Variants in MERTK observed in about 807,000 individuals in gnomAD.
The protein encoded by MERTK is tyrosine-protein kinase Mer.
MERTK carries 69 observed loss-of-function variants against 99.3 expected under a neutral mutation model. The ratio of observed to expected loss-of-function variants is 0.70; its 90% CI spans 0.57 to 0.85. MERTK has a LOEUF of 0.85. Among genes scored for constraint, MERTK ranks in the 40% least tolerant of loss-of-function variants. The pLI is 0.00. For synonymous variants in MERTK, 426 were observed against 467.6 expected, an observed-to-expected ratio of 0.91 and a Z score of 1.15; for missense variants, 1,125 against 1,249.4, an observed-to-expected ratio of 0.90 and a Z score of 1.50.
At chr2:111,910,295 G>T (rs1186584978) in intron 1 of MERTK, among the ~76,000 whole-genome samples, 1 of 146,008 alleles carries the variant, frequency 6.8e-6, no homozygotes, top group Non-Finnish European at 1.5e-5. Context: ...TTGAGACAAA[G>T]TCTCGCTCTT....
At chr2:111,980,472 G>A (rs907807388) in intron 7 of MERTK, among the ~76,000 whole-genome samples, 1 of 134,788 alleles carries the variant, frequency 7.4e-6, no homozygotes, top group African/African-American at 2.8e-5. Flanking sequence ...AGGCCGGACT[G>A]CAGTGGCACA....
intron 8 of MERTK, among the ~76,000 whole-genome samples, 185 bp from the exon 9 acceptor site, chr2:111,994,066 C>T (rs1676685036): frequency 6.6e-6 from 1 of 152,246 alleles, no homozygotes; most frequent in Non-Finnish European, 1.5e-5. Flanking sequence ...CTTGATGTTA[C>T]ATCCTGTCCC....
intron 7 of MERTK, among the ~76,000 whole-genome samples, chr2:111,977,972 T>G (rs2104736501): frequency 1.3e-5 from 2 of 152,192 alleles, no homozygotes; most frequent in Middle Eastern, 6.8e-3. Context: ...TTATTTTCCT[T>G]TTTCTGTCAC....
intron 1 of MERTK, among the ~76,000 whole-genome samples, chr2:111,899,503 A>G (rs1684002512): frequency 6.6e-6 from 1 of 151,980 alleles, no homozygotes; most frequent in South Asian, 2.1e-4. Flanking sequence ...GGATTCAGCG[A>G]AGTGTTGTTA....
intron 18 of MERTK, among the ~76,000 whole-genome samples, chr2:112,024,592 C>T (rs763779018): frequency 6.6e-5 from 10 of 152,336 alleles, no homozygotes; most frequent in Non-Finnish European, 1.5e-4. Flanking sequence ...CAACAGCATC[C>T]CCCAAAGAGG....
chr2:112,020,755 C>T, intron 16 of MERTK: 1 of 453,624 alleles, frequency 2.2e-6, no homozygotes. Flanking sequence ...GGTCCTGGAT[C>T]AGTCCACCAG....
Position 112,021,416 on chromosome 2 carries a change from CTG to C in MERTK, c.2190-4_2190-3del, listed in dbSNP as rs780571094. The C allele has an allele frequency of 6.2e-7, 1 of 1,612,952 alleles. No individual in the cohort carries two copies. Among genetic ancestry groups the C allele is most frequent in the Non-Finnish European group, 8.5e-7 (1 of 1,179,854 alleles). On this transcript the variant is annotated splice_polypyrimidine_tract_variant and splice_region_variant and intron_variant, in intron 16 of 18. Coordinates refer to ENST00000295408, the MANE Select transcript of MERTK (RefSeq NM_006343.3). Reference sequence around the variant, plus strand: ...CGCTGCTGAAGACGTAACCTGCTCTCTGTAGGTTGCGAGATGACATGACTGTC... The same window carrying C: ...CGCTGCTGAAGACGTAACCTGCTCTCTAGGTTGCGAGATGACATGACTGTC...
intron 2 of MERTK, among the ~76,000 whole-genome samples, chr2:111,941,272 C>G (rs1408765482): frequency 6.6e-6 from 1 of 152,172 alleles, no homozygotes; most frequent in Non-Finnish European, 1.5e-5. Flanking sequence ...GGATGTAATT[C>G]TGATTCATTC....
At chr2:111,983,438 A>G (rs1176161123) in intron 8 of MERTK, among the ~76,000 whole-genome samples, 1 of 152,222 alleles carries the variant, frequency 6.6e-6, no homozygotes, top group African/African-American at 2.4e-5. Context: ...GAATAACCTC[A>G]TCCTCATAGA....
At chr2:111,942,148 C>T (rs928595268) in intron 2 of MERTK, among the ~76,000 whole-genome samples, 7 of 152,190 alleles carry the variant, frequency 4.6e-5, no homozygotes, top group South Asian at 2.1e-4. Flanking sequence ...CTGCCACTCC[C>T]GGGTCCCAGA....
At chr2:111,902,953 A>G (rs900371765) in intron 1 of MERTK, among the ~76,000 whole-genome samples, 2 of 152,026 alleles carry the variant, frequency 1.3e-5, no homozygotes, top group Non-Finnish European at 2.9e-5. Flanking sequence ...TAATTTTTGT[A>G]TTTTTAGTAG....
intron 1 of MERTK, 122 bp downstream of exon 1, chr2:111,898,918 C>G (rs537099388): frequency 9.8e-7 from 1 of 1,018,828 alleles, no homozygotes; most frequent in African/African-American, 1.6e-5. Context: ...TTGCAAACAC[C>G]CTCCACCCAC....
intron 2 of MERTK, among the ~76,000 whole-genome samples, chr2:111,936,366 TA>T (rs1684764854): frequency 6.6e-6 from 1 of 152,160 alleles, no homozygotes; most frequent in South Asian, 2.1e-4. Flanking sequence ...TGTTGTGAAA[TA>T]AAAGCAAATA....
At chr2:111,994,601 C>A in intron 9 of MERTK, 197 bp downstream of exon 9, 1 of 736,714 alleles carries the variant, frequency 1.4e-6, no homozygotes, top group South Asian at 1.4e-5. Context: ...GAGACCCTGT[C>A]TCTACAAAAA....
chr2:111,989,360 C>CTT (rs542733750), intron 8 of MERTK, among the ~76,000 whole-genome samples: 1,870 of 142,438 alleles, frequency 0.013, 38 homozygotes, highest in African/African-American at 0.033. Context: ...GTTGTGAATT[C>CTT]TTTTTTTTTT....
At chr2:111,928,778 G>T (rs929048606) in intron 1 of MERTK, among the ~76,000 whole-genome samples, 5 of 152,104 alleles carry the variant, frequency 3.3e-5, no homozygotes, top group Non-Finnish European at 5.9e-5. Flanking sequence ...GAGCCACCGC[G>T]CCTGGCCAAG....
chr2:111,944,929 T>A, intron 2 of MERTK, 31 bp from the exon 3 acceptor site: 2 of 1,576,924 alleles, frequency 1.3e-6, no homozygotes, highest in Non-Finnish European at 1.7e-6. Context: ...GGGTAGTCAC[T>A]GTAAATATCT....
intron 2 of MERTK, chr2:111,941,056 C>G (rs1445357227): frequency 4.1e-6 from 2 of 482,926 alleles, no homozygotes; most frequent in African/African-American, 2.0e-5. Context: ...TTCTCACTCT[C>G]TTTGGCTTTT....
At chr2:111,953,096 C>T (rs966367468) in intron 4 of MERTK, among the ~76,000 whole-genome samples, 2 of 152,232 alleles carry the variant, frequency 1.3e-5, no homozygotes, top group African/African-American at 2.4e-5. Context: ...AGAGCACTTG[C>T]GGCAGCATTC....
Sources: allele counts gnomAD v4.1 joint callset (sites outside exome capture counted in the v4.1 genomes callset), GRCh38; gene constraint gnomAD v4.1.1; transcripts MANE v1.5; gene names NCBI Gene and HGNC (gene_info 2026-07-23, HGNC 2026-07-21).